Variants in ZSWIM8 observed in about 807,000 individuals in gnomAD.
ZSWIM8 encodes the protein zinc finger SWIM domain-containing protein 8.
In ZSWIM8, 27 loss-of-function variants were observed where a neutral mutation model predicts 173.7. That is an observed-to-expected ratio of 0.16 (90% CI 0.11 to 0.21). ZSWIM8 has a LOEUF of 0.21. Among genes scored for constraint, ZSWIM8 ranks in the 10% least tolerant of loss-of-function variants. ZSWIM8 has a pLI of 1.00. For missense variants in ZSWIM8, 1,627 were observed against 2,428.8 expected (o/e 0.67, Z 6.94); for synonymous variants, 958 against 962.0 (o/e 1.00, Z 0.08).
chr10:73,798,506 T>C (rs1589591190), intron 20 of ZSWIM8, 53 bp downstream of exon 20: 10 of 1,540,544 alleles, frequency 6.5e-6, no homozygotes, highest in Non-Finnish European at 8.8e-6. Context: ...GGCAGGGAGG[T>C]TGGGCATGGG....
chr10:73,791,770 C>T lies in ZSWIM8; in HGVS notation c.1320-89C>T, dbSNP rs2083422480. 7.0e-7 allele frequency: 1 copy of T among 1,428,784 alleles called. No individual in the cohort carries two copies. The highest frequency in any genetic ancestry group is 9.2e-7 in the Non-Finnish European group (1 of 1,081,196). The allele number at this position is 1,428,784 out of a possible 1,614,324, so 88.5% of individuals were successfully genotyped here. A position where few individuals can be genotyped will look rare whatever the true frequency, so the allele number is the denominator to read the frequency against. On this transcript the variant is annotated intron_variant, in intron 9 of 25. Coordinates refer to ENST00000604729, the MANE Select transcript of ZSWIM8 (RefSeq NM_001367799.1). The surrounding 1 kb of genome is among the most constrained non-coding windows in gnomAD (Gnocchi z 6.0). ...CAAGAAGTACTTTCCTGTATCCTTT[C>T]CCCATGCCTCTCTTTGGGGTGTACA...
Position 73,789,389 on chromosome 10 carries a change from G to T in ZSWIM8, c.480G>T (p.Val160=). Residue 160 remains valine, a synonymous_variant, in exon 4 of 26, where the codon GTG becomes GTT. Coordinates refer to ENST00000604729, the MANE Select transcript of ZSWIM8 (RefSeq NM_001367799.1). This position sits in a 1 kb window ranked among gnomAD's most constrained non-coding sequence, Gnocchi z 6.8. The part of the protein sequence containing the change: ...LQIGFHLSAT[V]VPPQMVPPKG... ...CAGGGTTCCACCTGAGTGCTACAGT[G>T]GTGCCACCTCAGATGGTCCCTCCTA... 3 of 1,568,796 alleles carry T rather than the reference G, an allele frequency of 1.9e-6. No homozygotes were observed. The highest frequency in any genetic ancestry group is 4.5e-5 in the East Asian group (2 of 44,092).
Position 73,785,629 on chromosome 10 carries a change from C to T in ZSWIM8, c.-250C>T, listed in dbSNP as rs1295063158. On this transcript the variant is annotated 5_prime_UTR_variant, in exon 1 of 26. Coordinates refer to ENST00000604729, the MANE Select transcript of ZSWIM8 (RefSeq NM_001367799.1). ...GCAGCCGCCTAGAGGCCCCAGCCGC[C>T]GAGCGCTTCGTCCCGGCCCTAAGTC... The T allele has an allele frequency of 2.6e-5, 15 of 575,422 alleles. No homozygotes were observed. The highest frequency in any genetic ancestry group is 9.2e-5 in the East Asian group (2 of 21,652). The allele number at this position is 575,422 out of a possible 1,614,324, so 35.6% of individuals were successfully genotyped here. A position where few individuals can be genotyped will look rare whatever the true frequency, so the allele number is the denominator to read the frequency against.
chr10:73,799,648 C>T (rs1222433556), intron 21 of ZSWIM8, 158 bp downstream of exon 21: 36 of 1,054,794 alleles, frequency 3.4e-5, no homozygotes, highest in South Asian at 9.1e-5. Flanking sequence ...TAAGAAATGA[C>T]GGCCGGGCAT....
At position 73,791,572 on chromosome 10, in the gene ZSWIM8, T is replaced by G. The variant is rs779026778; in HGVS notation, c.1319+73T>G. 106 of 1,435,794 alleles carry G rather than the reference T, an allele frequency of 7.4e-5. No individual in the cohort carries two copies. Among genetic ancestry groups the G allele is most frequent in the Non-Finnish European group, 8.8e-5 (95 of 1,080,110 alleles). 88.9% of individuals were successfully genotyped at this position (1,435,794 alleles called of 1,614,324 possible). A position where few individuals can be genotyped will look rare whatever the true frequency, so the allele number is the denominator to read the frequency against. ...AGGACAGACTGAGCCTTCATCTCCT[T>G]GTTTGCAGAGACATACCATGATTTT... is the stretch of plus-strand genomic sequence containing the variant. On this transcript the variant is annotated intron_variant, in intron 9 of 25. Coordinates refer to ENST00000604729, the MANE Select transcript of ZSWIM8 (RefSeq NM_001367799.1). This position sits in a 1 kb window ranked among gnomAD's most constrained non-coding sequence, Gnocchi z 6.0.
chr10:73,791,383 C>T lies in ZSWIM8; in HGVS notation c.1203C>T (p.His401=), dbSNP rs2083409436. 6.2e-7 allele frequency: 1 copy of T among 1,613,950 alleles called. No homozygotes were observed. ...TSASHSSASG[H]TGRSNGQSEV... ...CCTCACACAGCAGTGCCAGTGGGCA[C>T]ACGGGCCGTAGCAACGGGCAGTCAG... The change falls in exon 9 of 26, where the codon CAC becomes CAT. Residue 401 remains histidine (H), a synonymous_variant. Coordinates refer to ENST00000604729, the MANE Select transcript of ZSWIM8 (RefSeq NM_001367799.1). The surrounding 1 kb of genome is among the most constrained non-coding windows in gnomAD (Gnocchi z 6.0).
At chr10:73,788,030 T>G (rs927541971) in intron 1 of ZSWIM8, among the ~76,000 whole-genome samples, 10 of 152,158 alleles carry the variant, frequency 6.6e-5, no homozygotes, top group African/African-American at 2.4e-4. Context: ...GAGTGGTAAC[T>G]TTATCTTAGT....
At chr10:73,799,595 C>T (rs945383744) in intron 21 of ZSWIM8, 105 bp downstream of exon 21, 8 of 1,479,292 alleles carry the variant, frequency 5.4e-6, no homozygotes, top group Non-Finnish European at 6.4e-6. Flanking sequence ...TCGGAGAGTC[C>T]TGGTGAGGTG....
chr10:73,801,699 G>C lies in ZSWIM8; in HGVS notation c.*180G>C. The C allele has an allele frequency of 6.5e-7, 1 of 1,533,482 alleles. No individual in the cohort carries two copies. The highest frequency in any genetic ancestry group is 8.7e-7 in the Non-Finnish European group (1 of 1,145,886). The allele number at this position is 1,533,482 out of a possible 1,614,324, so 95.0% of individuals were successfully genotyped here. On this transcript the variant is annotated 3_prime_UTR_variant, in exon 26 of 26. Transcript: ENST00000604729. The surrounding 1 kb of genome is among the most constrained non-coding windows in gnomAD (Gnocchi z 4.9). The stretch of plus-strand genomic sequence containing the variant: ...AGATGTCTCACACCCTAGAAGCCTA[G>C]GGCTGGGGGAGACAGCCCTGTCTGG...
Position 73,798,055 on chromosome 10 carries a change from G to A in ZSWIM8, c.3937G>A (p.Val1313Ile), listed in dbSNP as rs763004458. The A allele has an allele frequency of 1.2e-6, 2 of 1,613,424 alleles. No individual in the cohort carries two copies. The highest frequency in any genetic ancestry group is 1.7e-6 in the Non-Finnish European group (2 of 1,179,420). ...GCTCTCACGTACTTATTCTTCCCAC[G>A]TTTCCTGGATTACAGGTAAATCATT... ...NWLSRTYSSH[V>I]SWITGQAMEI... The change falls in exon 19 of 26, where the codon GTT (valine) becomes ATT (isoleucine). Residue 1313 changes from valine (V) to isoleucine (I), a missense_variant. This residue lies in a region of ZSWIM8 where 95 missense variants were observed against 271.3 expected (regional missense o/e 0.35). Coordinates refer to ENST00000604729, the MANE Select transcript of ZSWIM8 (RefSeq NM_001367799.1).
At position 73,791,842 on chromosome 10, in the gene ZSWIM8, G is replaced by GC. The variant is rs1231784193; in HGVS notation, c.1320-13dup. ...CCCAGTAGCCCCTCAGCAGCCTCCTGCCCCTTGTTCCCACAGGCGCCGGGA... is the reference window on the plus strand; with the variant it reads ...CCCAGTAGCCCCTCAGCAGCCTCCTGCCCCCTTGTTCCCACAGGCGCCGGGA... On this transcript the variant is annotated splice_polypyrimidine_tract_variant and intron_variant, in intron 9 of 25. Coordinates refer to ENST00000604729, the MANE Select transcript of ZSWIM8 (RefSeq NM_001367799.1). This position sits in a 1 kb window ranked among gnomAD's most constrained non-coding sequence, Gnocchi z 6.0. The GC allele has an allele frequency of 4.7e-6, 7 of 1,494,820 alleles. No individual in the cohort carries two copies. Among genetic ancestry groups the GC allele is most frequent in the Non-Finnish European group, 6.3e-6 (7 of 1,113,264 alleles). The allele number at this position is 1,494,820 out of a possible 1,614,324, so 92.6% of individuals were successfully genotyped here. A position where few individuals can be genotyped will look rare whatever the true frequency, so the allele number is the denominator to read the frequency against.
At chr10:73,788,967 T>TCCC in intron 2 of ZSWIM8, 129 bp from the exon 3 acceptor site, 3 of 507,270 alleles carry the variant, frequency 5.9e-6, no homozygotes, top group South Asian at 3.7e-5. Flanking sequence ...TTCCACTCCC[T>TCCC]CCCCCCCACC....
chr10:73,796,626 CAGG>C, intron 15 of ZSWIM8, 145 bp from the exon 16 acceptor site: 3 of 1,089,072 alleles, frequency 2.8e-6, no homozygotes, highest in South Asian at 1.6e-5. Flanking sequence ...ACATGTAAAC[CAGG>C]AGGTCATCCT....
rs2083717802 is a variant in ZSWIM8, at chr10:73,797,387, C to T, written c.3444C>T (p.Ser1148=). 2 of 1,613,878 alleles carry T rather than the reference C, an allele frequency of 1.2e-6. No homozygotes were observed. The highest frequency in any genetic ancestry group is 1.7e-6 in the Non-Finnish European group (2 of 1,179,818). The change falls in exon 18 of 26, where the codon AGC becomes AGT. Residue 1148 remains serine, a synonymous_variant. Transcript: ENST00000604729. This position sits in a 1 kb window ranked among gnomAD's most constrained non-coding sequence, Gnocchi z 5.6. ...RPKKKHTGMA[S]IDSSAPETTS... is the part of the protein sequence containing the mutation. Reference sequence around the variant, plus strand: ...TCTCTTGGGGGTTAGGCATGGCCAGCATTGACAGCAGTGCCCCTGAAACAA... The same window carrying T: ...TCTCTTGGGGGTTAGGCATGGCCAGTATTGACAGCAGTGCCCCTGAAACAA...
At chr10:73,787,497 T>G (rs534482997) in intron 1 of ZSWIM8, among the ~76,000 whole-genome samples, 1 of 152,300 alleles carries the variant, frequency 6.6e-6, no homozygotes, top group South Asian at 2.1e-4. Context: ...CTGGTCAGGT[T>G]AAAATCTGGG....
chr10:73,801,515 C>G lies in ZSWIM8; in HGVS notation c.5501C>G (p.Pro1834Arg). 1 of 1,613,808 alleles carries G rather than the reference C, an allele frequency of 6.2e-7. No homozygotes were observed. The highest frequency in any genetic ancestry group is 1.7e-5 in the Admixed American group (1 of 60,020). The stretch of plus-strand genomic sequence containing the variant: ...TCACTCGAGATGGCCACCTTCTCCC[C>G]CTGAGTCTTTCACCCTTAGGGTCCT... ...RVSLEMATFS[P>R] Residue 1834 changes from proline (P) to arginine (R), a missense_variant, in exon 26 of 26, where the codon CCC (proline) becomes CGC (arginine). Physicochemically the swap from Pro to Arg is moderately radical, Grantham distance 103. Transcript: ENST00000604729. This position sits in a 1 kb window ranked among gnomAD's most constrained non-coding sequence, Gnocchi z 4.9.
Position 73,791,939 on chromosome 10 carries a change from C to T in ZSWIM8, c.1400C>T (p.Thr467Met), listed in dbSNP as rs199957089. ...ENVKRGQHKK[T>M]LERLFPGFRP... ...GTCAAGCGGGGCCAACACAAGAAGA[C>T]GCTGGAGCGGCTCTTCCCCGGCTTC... Residue 467 changes from threonine to methionine, a missense_variant, in exon 10 of 26, where the codon ACG becomes ATG. By Grantham distance (81) the Thr-to-Met change is moderately conservative. This residue lies in a region of ZSWIM8 where 103 missense variants were observed against 155.6 expected (regional missense o/e 0.66). Transcript: ENST00000604729. This position sits in a 1 kb window ranked among gnomAD's most constrained non-coding sequence, Gnocchi z 6.0. The T allele has an allele frequency of 2.0e-5, 31 of 1,551,830 alleles. No homozygotes were observed. Among genetic ancestry groups the T allele is most frequent in the Admixed American group, 5.9e-5 (3 of 51,026 alleles).
Position 73,792,330 on chromosome 10 carries a change from C to T in ZSWIM8, c.1791C>T (p.Gly597=). The part of the protein sequence containing the change: ...ALGGAGSGSK[G]SAGGGSKRRL... ...GTGGGGCTGGCAGTGGGAGCAAGGG[C>T]TCAGCAGGTGGCGGAAGCAAGCGAC... is the stretch of plus-strand genomic sequence containing the variant. Residue 597 remains glycine (G), a synonymous_variant, in exon 10 of 26, where the codon GGC becomes GGT. Transcript: ENST00000604729. This position sits in a 1 kb window ranked among gnomAD's most constrained non-coding sequence, Gnocchi z 4.3. 6.2e-7 allele frequency: 1 copy of T among 1,612,854 alleles called. No homozygotes were observed. Among genetic ancestry groups the T allele is most frequent in the Non-Finnish European group, 8.5e-7 (1 of 1,179,490 alleles).
chr10:73,793,730 C>T lies in ZSWIM8; in HGVS notation c.2445+11C>T, dbSNP rs1565077871. ...CCGCCCCCTGCCAAGGTGAGAGACC[C>T]CCTTCCTCTACCTTCCCCTCCCCCA... On this transcript the variant is annotated intron_variant, in intron 11 of 25. Transcript: ENST00000604729. The T allele has an allele frequency of 6.3e-7, 1 of 1,597,794 alleles. No individual in the cohort carries two copies. The highest frequency in any genetic ancestry group is 8.5e-7 in the Non-Finnish European group (1 of 1,171,898).
Sources: allele counts gnomAD v4.1 joint callset (sites outside exome capture counted in the v4.1 genomes callset), GRCh38; gene constraint gnomAD v4.1.1; regional missense constraint gnomAD v4.1.1; non-coding constraint Gnocchi (gnomAD v3.1); transcripts MANE v1.5; gene names NCBI Gene and HGNC (gene_info 2026-07-23, HGNC 2026-07-21).